The following PELI2 variants were observed in gnomAD, a reference collection of about 807,000 sequenced individuals.
The protein encoded by PELI2 is pellino E3 ubiquitin protein ligase family member 2, also known as E3 ubiquitin-protein ligase pellino homolog 2.
Under a neutral mutation model 42.3 loss-of-function variants are expected in PELI2, and 23 were observed. The observed-to-expected ratio is 0.54, with a 90% CI of 0.39 to 0.77. The LOEUF (loss-of-function observed/expected upper bound fraction) is 0.77. Ranked by LOEUF, PELI2 falls within the 30% of genes least tolerant of loss-of-function variation. PELI2 has a pLI of 0.00. For synonymous variants in PELI2, 245 were observed against 212.2 expected, an observed-to-expected ratio of 1.15 and a Z score of -1.34; for missense variants, 463 against 553.2, an observed-to-expected ratio of 0.84 and a Z score of 1.64.
intron 2 of PELI2, among the ~76,000 whole-genome samples, chr14:56,181,321 C>G (rs1885569824): frequency 6.6e-6 from 1 of 151,088 alleles, no homozygotes; most frequent in Admixed American, 6.6e-5. Context: ...GGCTCTGGGC[C>G]CTTCCTGACC....
At chr14:56,137,304 A>G (rs890240618) in intron 1 of PELI2, among the ~76,000 whole-genome samples, 2 of 152,154 alleles carry the variant, frequency 1.3e-5, no homozygotes, top group African/African-American at 4.8e-5. Context: ...GGAATGGGTA[A>G]CAGAGAAAAA....
intron 2 of PELI2, among the ~76,000 whole-genome samples, chr14:56,275,108 G>T (rs903023546): frequency 5.3e-5 from 8 of 152,136 alleles, no homozygotes; most frequent in African/African-American, 1.9e-4. Context: ...GACATTCATT[G>T]AATGCCTGCC....
At chr14:56,166,889 G>T (rs566069225) in intron 1 of PELI2, among the ~76,000 whole-genome samples, 1 of 152,060 alleles carries the variant, frequency 6.6e-6, no homozygotes, top group Non-Finnish European at 1.5e-5. Context: ...CTGGGTTCAC[G>T]CCATTCCCCT....
At chr14:56,133,350 A>G (rs1411485736) in intron 1 of PELI2, among the ~76,000 whole-genome samples, 2 of 152,210 alleles carry the variant, frequency 1.3e-5, no homozygotes, top group African/African-American at 4.8e-5. Flanking sequence ...AGCATCAGGA[A>G]TTGCCATGTG....
In PELI2 at chr14:56,297,582, C is replaced by A. The variant is rs181911056; in HGVS notation, c.*416C>A. 5.4e-6 allele frequency: 1 copy of A among 184,230 alleles called. No homozygotes were observed. Among genetic ancestry groups the A allele is most frequent in the African/African-American group, 2.4e-5 (1 of 41,866 alleles). 11.4% of individuals were successfully genotyped at this position (184,230 alleles called of 1,614,324 possible). A position where few individuals can be genotyped will look rare whatever the true frequency, so the allele number is the denominator to read the frequency against. Reference sequence around the variant, plus strand: ...TCAGTGCAGTGTGGTGTAGGTGTTACGCGAAGGGCGCACAGTGTCTAGAAA... The same window carrying A: ...TCAGTGCAGTGTGGTGTAGGTGTTAAGCGAAGGGCGCACAGTGTCTAGAAA... On this transcript the variant is annotated 3_prime_UTR_variant, in exon 6 of 6. Transcript: ENST00000267460.
At chr14:56,251,017 A>G (rs1888325438) in intron 2 of PELI2, among the ~76,000 whole-genome samples, 1 of 152,194 alleles carries the variant, frequency 6.6e-6, no homozygotes, top group African/African-American at 2.4e-5. Flanking sequence ...CTGAGGCCAC[A>G]TAGCCACCCC....
At chr14:56,295,716 C>T (rs940371723) in intron 5 of PELI2, among the ~76,000 whole-genome samples, 10 of 152,198 alleles carry the variant, frequency 6.6e-5, no homozygotes, top group African/African-American at 2.4e-4. Flanking sequence ...AAGTAATCTG[C>T]ACAGCGTCAT....
intron 2 of PELI2, among the ~76,000 whole-genome samples, chr14:56,240,284 G>T (rs768930433): frequency 6.6e-6 from 1 of 152,100 alleles, no homozygotes; most frequent in Non-Finnish European, 1.5e-5. Flanking sequence ...GGGGCGAGAC[G>T]ATTGGGGGCC....
chr14:56,187,014 C>T (rs402332), intron 2 of PELI2, among the ~76,000 whole-genome samples: 14,785 of 152,048 alleles, frequency 0.097, 962 homozygotes, highest in East Asian at 0.28. Flanking sequence ...CATTAAAGTT[C>T]GAAGGAACTT....
chr14:56,213,385 T>TC (rs1886779618), intron 2 of PELI2, among the ~76,000 whole-genome samples: 1 of 152,178 alleles, frequency 6.6e-6, no homozygotes, highest in Non-Finnish European at 1.5e-5. Flanking sequence ...AATTAGCTGA[T>TC]TGGATACCCA....
chr14:56,159,803 T>G (rs192548521), intron 1 of PELI2, among the ~76,000 whole-genome samples: 1 of 152,190 alleles, frequency 6.6e-6, no homozygotes, highest in Non-Finnish European at 1.5e-5. Flanking sequence ...TGATTCCCAG[T>G]ACTTTGCCCA....
At chr14:56,216,400 TC>T (rs1247497106) in intron 2 of PELI2, among the ~76,000 whole-genome samples, 1 of 152,270 alleles carries the variant, frequency 6.6e-6, no homozygotes, top group Non-Finnish European at 1.5e-5. Context: ...ATATTAAACT[TC>T]TTGTTCAGCA....
intron 2 of PELI2, among the ~76,000 whole-genome samples, chr14:56,262,353 G>T (rs1380786035): frequency 2.0e-5 from 3 of 152,120 alleles, no homozygotes; most frequent in Non-Finnish European, 4.4e-5. Flanking sequence ...ACTTAATAAT[G>T]AATTAGATCT....
intron 1 of PELI2, among the ~76,000 whole-genome samples, chr14:56,151,668 T>A (rs1177705502): frequency 2.0e-5 from 3 of 152,224 alleles, no homozygotes; most frequent in Admixed American, 6.5e-5. Context: ...GCCTCCCCTA[T>A]AAGTTTGAGA....
At chr14:56,166,373 A>G (rs4898885) in intron 1 of PELI2, among the ~76,000 whole-genome samples, 66,630 of 152,036 alleles carry the variant, frequency 0.44, 15,086 homozygotes, top group South Asian at 0.55. Context: ...TGATTGGTTC[A>G]TCTTTCTACT....
At chr14:56,187,347 A>G (rs1178404784) in intron 2 of PELI2, among the ~76,000 whole-genome samples, 1 of 152,232 alleles carries the variant, frequency 6.6e-6, no homozygotes, top group Non-Finnish European at 1.5e-5. Context: ...AAGTTTGTAC[A>G]TTATTTAAGT....
In PELI2 at chr14:56,219,056, A is replaced by G. The variant is rs1887025860; in HGVS notation, c.207+40592A>G. Among the ~76,000 whole-genome samples, 1 of 152,080 alleles carries G rather than the reference A, an allele frequency of 6.6e-6. No homozygotes were observed. Among genetic ancestry groups the G allele is most frequent in the Non-Finnish European group, 1.5e-5 (1 of 68,016 alleles). ...CAGATCCATTTCCTGTTTTTTTCAC[A>G]TTTCTTTTTCTAAGAATAAACAGAA... On this transcript the variant is annotated intron_variant, in intron 2 of 5. Coordinates refer to ENST00000267460, the MANE Select transcript of PELI2 (RefSeq NM_021255.3). This position sits in a 1 kb window ranked among gnomAD's most constrained non-coding sequence, Gnocchi z 4.1.
chr14:56,142,814 T>C lies in PELI2; in HGVS notation c.77+24077T>C, dbSNP rs115562333. Among the ~76,000 whole-genome samples, 1,414 of 152,192 alleles carry C rather than the reference T, an allele frequency of 9.3e-3. 25 individuals are homozygous for C. The highest frequency in any genetic ancestry group is 0.033 in the African/African-American group (1,352 of 41,530). The stretch of plus-strand genomic sequence containing the variant: ...CCCTATTTTTTTTAAGATTAAAAAA[T>C]TATAGGACCAGATTTAGATCTTTTT... On this transcript the variant is annotated intron_variant, in intron 1 of 5. Transcript: ENST00000267460.
chr14:56,256,599 A>G (rs1888534619), intron 2 of PELI2, among the ~76,000 whole-genome samples: 1 of 152,180 alleles, frequency 6.6e-6, no homozygotes, highest in African/African-American at 2.4e-5. Flanking sequence ...AATTTTTTGC[A>G]AAGATTTTAT....
Sources: gnomAD v4.1 joint callset for allele counts (sites outside exome capture counted in the v4.1 genomes callset) on GRCh38, gnomAD v4.1.1 for gene constraint, Gnocchi (gnomAD v3.1) non-coding constraint, MANE v1.5 for transcripts, NCBI Gene and HGNC (gene_info 2026-07-23, HGNC 2026-07-21) for gene names.